The following VPS45 variants were observed in gnomAD, a reference collection of about 807,000 sequenced individuals.
The protein encoded by VPS45 is vacuolar protein sorting-associated protein 45.
VPS45 carries 35 observed loss-of-function variants against 75.9 expected under a neutral mutation model. That is an observed-to-expected ratio of 0.46 (90% CI 0.35 to 0.61). The LOEUF is 0.61. Ranked by LOEUF, VPS45 falls within the 20% of genes least tolerant of loss-of-function variation. The pLI, the probability that VPS45 is intolerant of heterozygous loss-of-function variation, is 0.00. For missense variants in VPS45, 559 were observed against 685.9 expected (o/e 0.81, Z 2.07); for synonymous variants, 220 against 238.2 (o/e 0.92, Z 0.70).
At chr1:150,122,988 C>CAAAAAAAAAAAAAAAAAAA (rs111687152) in intron 14 of VPS45, among the ~76,000 whole-genome samples, 1 of 126,552 alleles carries the variant, frequency 7.9e-6, no homozygotes, top group African/African-American at 3.0e-5. Context: ...AACTCCTTCT[C>CAAAAAAAAAAAAAAAAAAA]AAAAAAAAAA....
chr1:150,081,741 T>A (rs1553799428), intron 8 of VPS45, 143 bp from the exon 9 acceptor site: 1 of 648,390 alleles, frequency 1.5e-6, no homozygotes, highest in Non-Finnish European at 2.7e-6. Context: ...ATCAACAGTG[T>A]CCCAGCTAAT....
chr1:150,141,909 G>A (rs1454055901), intron 14 of VPS45, among the ~76,000 whole-genome samples: 2 of 152,324 alleles, frequency 1.3e-5, no homozygotes, highest in East Asian at 3.9e-4. Context: ...CACCAACGGA[G>A]AAGGGGATTT....
chr1:150,111,861 T>C (rs1657668147), intron 14 of VPS45, among the ~76,000 whole-genome samples: 1 of 152,172 alleles, frequency 6.6e-6, no homozygotes. Flanking sequence ...GACGTTTGTA[T>C]GAGTGTGTGG....
chr1:150,112,721 C>T (rs1657712352), intron 14 of VPS45, among the ~76,000 whole-genome samples: 2 of 152,184 alleles, frequency 1.3e-5, no homozygotes, highest in African/African-American at 4.8e-5. Flanking sequence ...CTTCAGATGC[C>T]AGTCACAAGT....
In VPS45 at chr1:150,144,813, A is replaced by G; in HGVS notation, c.*17A>G. The G allele has an allele frequency of 1.2e-6, 2 of 1,614,048 alleles. No homozygotes were observed. Among genetic ancestry groups the G allele is most frequent in the Non-Finnish European group, 1.7e-6 (2 of 1,180,018 alleles). ...AGAAGATGAAACGGTGGTTGGGGGA[A>G]GGGCACAGCTTCCTCTCTTGTCCCC... On this transcript the variant is annotated 3_prime_UTR_variant, in exon 15 of 15. Coordinates refer to ENST00000644510, the MANE Select transcript of VPS45 (RefSeq NM_007259.5).
rs1180213688 is a variant in VPS45 at position 150,097,086 on chromosome 1, C to T, written c.1493+3438C>T. On this transcript the variant is annotated intron_variant, in intron 13 of 14. Transcript: ENST00000644510. ...AGAAAAGCAGGATGTTGTAACATTT[C>T]TTTCTTTTTTTTTTTTTTTGAGACA... is the stretch of plus-strand genomic sequence containing the variant. 7.8e-5 allele frequency among the ~76,000 whole-genome samples: 11 copies of T among 141,170 alleles called. 1 individual carries two copies. The highest frequency in any genetic ancestry group is 2.1e-4 in the East Asian group (1 of 4,870). 92.6% of individuals were successfully genotyped at this position (141,170 alleles called of 152,430 possible).
chr1:150,077,305 G>C, intron 6 of VPS45, 74 bp downstream of exon 6: 1 of 1,525,818 alleles, frequency 6.6e-7, no homozygotes, highest in Non-Finnish European at 8.9e-7. Context: ...GAAACTAAAG[G>C]AATAGTTTAT....
chr1:150,126,606 A>G (rs1658532795), intron 14 of VPS45, among the ~76,000 whole-genome samples: 1 of 152,044 alleles, frequency 6.6e-6, no homozygotes, highest in Admixed American at 6.6e-5. Context: ...TATTTGGCAA[A>G]CTCATCAAAG....
intron 13 of VPS45, among the ~76,000 whole-genome samples, 178 bp downstream of exon 13, chr1:150,093,826 A>AC (rs1656479285): frequency 6.6e-6 from 1 of 152,242 alleles, no homozygotes; most frequent in Non-Finnish European, 1.5e-5. Flanking sequence ...TAAGTCTGAA[A>AC]CATTTATTTC....
At chr1:150,094,362 A>C (rs1656509514) in intron 13 of VPS45, among the ~76,000 whole-genome samples, 1 of 152,302 alleles carries the variant, frequency 6.6e-6, no homozygotes, top group South Asian at 2.1e-4. Flanking sequence ...CTGTTGACAT[A>C]ATTCTTCTAT....
In VPS45 at chr1:150,135,865, C is replaced by G. The variant is rs374894167; in HGVS notation, c.1626-8844C>G. On this transcript the variant is annotated intron_variant, in intron 14 of 14. Coordinates refer to ENST00000644510, the MANE Select transcript of VPS45 (RefSeq NM_007259.5). ...TGTTGGCCAGGCTGGTTTTGAACTCCTGACCTCAGGTGATCTGCCTGCCTC... is the reference window on the plus strand; with the variant it reads ...TGTTGGCCAGGCTGGTTTTGAACTCGTGACCTCAGGTGATCTGCCTGCCTC... Among the ~76,000 whole-genome samples, 823 of 151,594 alleles carry G rather than the reference C, an allele frequency of 5.4e-3. 7 individuals carry two copies. Among genetic ancestry groups the G allele is most frequent in the Middle Eastern group, 0.028 (8 of 288 alleles).
chr1:150,135,753 C>T (rs1300376995), intron 14 of VPS45, among the ~76,000 whole-genome samples: 1 of 151,832 alleles, frequency 6.6e-6, no homozygotes, highest in Non-Finnish European at 1.5e-5. Context: ...GCAATTCTGC[C>T]TCACCCCCCT....
chr1:150,115,787 G>A (rs587759919), intron 14 of VPS45, among the ~76,000 whole-genome samples: 3 of 145,736 alleles, frequency 2.1e-5, no homozygotes, highest in Non-Finnish European at 4.4e-5. Flanking sequence ...TTCAGTGAGG[G>A]TCTCTATATT....
At chr1:150,069,622 A>AG (rs1421096004) in intron 2 of VPS45, among the ~76,000 whole-genome samples, 2 of 3,208 alleles carry the variant, frequency 6.2e-4, no homozygotes, top group South Asian at 0.077. Context: ...ACGCCCGGCT[A>AG]ATTTTTTGTA....
intron 14 of VPS45, among the ~76,000 whole-genome samples, chr1:150,143,549 T>G (rs10788869): frequency 0.016 from 2,464 of 151,330 alleles, 65 homozygotes; most frequent in African/African-American, 0.057. Flanking sequence ...GATTGTGCCA[T>G]TGCACTCCAG....
At chr1:150,117,789 G>T (rs1324285060) in intron 14 of VPS45, among the ~76,000 whole-genome samples, 3 of 151,648 alleles carry the variant, frequency 2.0e-5, no homozygotes, top group Non-Finnish European at 4.4e-5. Flanking sequence ...AGTCCGGGAG[G>T]CGGAGGCTGT....
chr1:150,100,809 C>T (rs1309103620), intron 13 of VPS45, among the ~76,000 whole-genome samples: 1 of 152,176 alleles, frequency 6.6e-6, no homozygotes, highest in Non-Finnish European at 1.5e-5. Flanking sequence ...CCCTTCCTTA[C>T]ACGGTATACA....
intron 10 of VPS45, among the ~76,000 whole-genome samples, chr1:150,087,685 A>T (rs1407201606): frequency 6.6e-6 from 1 of 152,230 alleles, no homozygotes; most frequent in Non-Finnish European, 1.5e-5. Flanking sequence ...GTCTCCAAGG[A>T]CTGATACAGC....
intron 14 of VPS45, among the ~76,000 whole-genome samples, chr1:150,121,642 G>GCTATAGCATC (rs1658235009): frequency 6.6e-6 from 1 of 152,180 alleles, no homozygotes. Flanking sequence ...ATGAGTCATT[G>GCTATAGCATC]CTATAGCATC....
Sources: allele counts gnomAD v4.1 joint callset (sites outside exome capture counted in the v4.1 genomes callset), GRCh38; gene constraint gnomAD v4.1.1; transcripts MANE v1.5; gene names NCBI Gene and HGNC (gene_info 2026-07-23, HGNC 2026-07-21).